Variants in UBAP1L observed in about 807,000 individuals in gnomAD.
The protein encoded by UBAP1L is ubiquitin associated protein 1 like, also known as ubiquitin-associated protein 1-like.
In UBAP1L, 32 loss-of-function variants were observed where a neutral mutation model predicts 32.1. The ratio of observed to expected loss-of-function variants is 1.00; its 90% confidence interval spans 0.75 to 1.34. UBAP1L has a LOEUF of 1.34. Among genes scored for constraint, UBAP1L ranks in the 40% most tolerant of loss-of-function variants. The probability of loss-of-function intolerance (pLI) is 0.00; values close to 1 mark genes in which losing one functional copy is unlikely to be tolerated. For missense variants in UBAP1L, 516 were observed against 540.5 expected (o/e 0.95, Z 0.45); for synonymous variants, 243 against 250.2 (o/e 0.97, Z 0.27).
chr15:65,099,741 CAGTT>C, intron 3 of UBAP1L, 27 bp from the exon 4 acceptor site: 2 of 1,523,836 alleles, frequency 1.3e-6, no homozygotes, highest in Non-Finnish European at 1.8e-6. Flanking sequence ...CTGGACATGT[CAGTT>C]ACTACAGGAA....
Position 65,106,093 on chromosome 15 carries a change from T to G in UBAP1L, c.120+3A>C, listed in dbSNP as rs1273033280. 2 of 1,551,144 alleles carry G rather than the reference T, an allele frequency of 1.3e-6. No individual in the cohort carries two copies. The highest frequency in any genetic ancestry group is 1.7e-6 in the Non-Finnish European group (2 of 1,146,876). On this transcript the variant is annotated splice_donor_region_variant and intron_variant, in intron 2 of 5. Coordinates refer to ENST00000559089, the MANE Select transcript of UBAP1L (RefSeq NM_001163692.2). ...GAAGACAGAAACACAGAGACACACT[T>G]ACCATAGAACCCAGCAGAACTTCCC...
At chr15:65,100,456 C>T (rs1048494624) in intron 3 of UBAP1L, 1 of 152,260 alleles carries the variant, frequency 6.6e-6, no homozygotes, top group African/African-American at 2.4e-5. Context: ...TCTTCCCAAC[C>T]AGGCCCTCCT....
intron 4 of UBAP1L, chr15:65,099,152 T>G: frequency 1.6e-4 from 39 of 246,044 alleles, no homozygotes; most frequent in Admixed American, 2.5e-4. Flanking sequence ...TGGTAGACTC[T>G]GTGATGTTCC....
intron 1 of UBAP1L, among the ~76,000 whole-genome samples, chr15:65,109,390 G>A (rs928824482): frequency 6.7e-6 from 1 of 148,836 alleles, no homozygotes; most frequent in Non-Finnish European, 1.5e-5. Flanking sequence ...GGCTGAGGCA[G>A]GAGAATGGCA....
At chr15:65,104,113 A>G (rs1364040647) in intron 2 of UBAP1L, among the ~76,000 whole-genome samples, 1 of 152,088 alleles carries the variant, frequency 6.6e-6, no homozygotes, top group Non-Finnish European at 1.5e-5. Flanking sequence ...TTAACTGGGC[A>G]TGGTGGCACA....
At chr15:65,110,302 T>C (rs1294024395) in intron 1 of UBAP1L, among the ~76,000 whole-genome samples, 1 of 151,668 alleles carries the variant, frequency 6.6e-6, no homozygotes, top group East Asian at 1.9e-4. Context: ...GAGATTGCAG[T>C]GAGCTGAAAT....
rs763878087 is a variant in UBAP1L, at chr15:65,094,497, A to ATC, written c.987_988dup (p.Met330ArgfsTer65). The ATC allele has an allele frequency of 2.6e-6, 4 of 1,551,186 alleles. No homozygotes were observed. The South Asian group carries it at 4.8e-5, about 18-fold the overall frequency. ...GACCTGGCTCTCGGAGAACTGGAAC[A>ATC]TCTCCATGGCCTCATCCACCAGGCC... On this transcript the variant is annotated frameshift_variant, in exon 5 of 6. Transcript: ENST00000559089. LOFTEE classifies it high-confidence loss of function. The surrounding 1 kb of genome is among the most constrained non-coding windows in gnomAD (Gnocchi z 4.2).
At chr15:65,105,881 C>T (rs2087303516) in intron 2 of UBAP1L, 1 of 712,914 alleles carries the variant, frequency 1.4e-6, no homozygotes, top group Non-Finnish European at 2.4e-6. Flanking sequence ...ACCTCCACCT[C>T]CTGGATTCAA....
intron 1 of UBAP1L, among the ~76,000 whole-genome samples, chr15:65,112,623 T>A (rs573850799): frequency 6.6e-6 from 1 of 152,174 alleles, no homozygotes; most frequent in East Asian, 1.9e-4. Context: ...AATGACTTTA[T>A]TCTTGCCCAG....
chr15:65,098,293 C>T (rs2087200859), intron 4 of UBAP1L: 1 of 152,340 alleles, frequency 6.6e-6, no homozygotes, highest in Non-Finnish European at 1.5e-5. Flanking sequence ...TTCCTTCCCA[C>T]CTCCACTCCT....
chr15:65,099,413 G>C, intron 4 of UBAP1L, 92 bp downstream of exon 4: 2 of 1,334,376 alleles, frequency 1.5e-6, no homozygotes, highest in Non-Finnish European at 2.1e-6. Context: ...TGCTGTTGTT[G>C]GGCCTATGTC....
Position 65,094,625 on chromosome 15 carries a change from G to C in UBAP1L, c.910-49C>G. The C allele has an allele frequency of 7.1e-7, 1 of 1,417,344 alleles. No homozygotes were observed. Among genetic ancestry groups the C allele is most frequent in the Non-Finnish European group, 9.7e-7 (1 of 1,027,550 alleles). The allele number at this position is 1,417,344 out of a possible 1,614,324, so 87.8% of individuals were successfully genotyped here. On this transcript the variant is annotated intron_variant, in intron 4 of 5. Transcript: ENST00000559089. This position sits in a 1 kb window ranked among gnomAD's most constrained non-coding sequence, Gnocchi z 4.2. ...GGAGGGAGGGTAAGAGGAGCAGCCG[G>C]GGCAGCAGACAGGGCAGAGAGGCAC...
chr15:65,093,261 G>A (rs1478071075), intron 5 of UBAP1L, 30 bp from the exon 6 acceptor site: 2 of 1,521,106 alleles, frequency 1.3e-6, no homozygotes, highest in Admixed American at 4.4e-5. Context: ...GAGGGTGCTG[G>A]GGGCTCTGCT....
At chr15:65,099,399 C>T in intron 4 of UBAP1L, 106 bp downstream of exon 4, 1 of 1,215,372 alleles carries the variant, frequency 8.2e-7, no homozygotes, top group Non-Finnish European at 1.1e-6. Context: ...GTGGGGTTGG[C>T]TGATGCTGTT....
At position 65,094,738 on chromosome 15, in the gene UBAP1L, G is replaced by C. The variant is rs2087155573; in HGVS notation, c.910-162C>G. 2 of 637,228 alleles carry C rather than the reference G, an allele frequency of 3.1e-6. No homozygotes were observed. Among genetic ancestry groups the C allele is most frequent in the Non-Finnish European group, 5.6e-6 (2 of 354,588 alleles). 39.5% of individuals were successfully genotyped at this position (637,228 alleles called of 1,614,324 possible). On this transcript the variant is annotated intron_variant, in intron 4 of 5. Coordinates refer to ENST00000559089, the MANE Select transcript of UBAP1L (RefSeq NM_001163692.2). This position sits in a 1 kb window ranked among gnomAD's most constrained non-coding sequence, Gnocchi z 4.2. ...AGAGCCCGTGAACCCACAGAAGGGG[G>C]ATAGAGGCTTTCTCTGAGTGCCTGG...
intron 4 of UBAP1L, chr15:65,097,048 G>C (rs2087182465): frequency 6.6e-6 from 1 of 152,162 alleles, no homozygotes; most frequent in Non-Finnish European, 1.5e-5. Context: ...GTCATCCAAA[G>C]GCCCCTCAGA....
chr15:65,093,658 A>G (rs1432963736), intron 5 of UBAP1L, among the ~76,000 whole-genome samples: 4 of 150,980 alleles, frequency 2.6e-5, no homozygotes, highest in Non-Finnish European at 5.9e-5. Flanking sequence ...AAACTTCCCC[A>G]CCTCTGCTCA....
chr15:65,102,409 G>A lies in UBAP1L; in HGVS notation c.396C>T (p.Ser132=), dbSNP rs1394861791. The A allele has an allele frequency of 3.5e-6, 5 of 1,428,852 alleles. No homozygotes were observed. The highest frequency in any genetic ancestry group is 4.6e-6 in the Non-Finnish European group (5 of 1,096,836). The allele number at this position is 1,428,852 out of a possible 1,614,324, so 88.5% of individuals were successfully genotyped here. A position where few individuals can be genotyped will look rare whatever the true frequency, so the allele number is the denominator to read the frequency against. ...GACGGCCGGGGCCGGGGCTCGCCGG[G>A]GAGCCCGGTTGGAGGCTGCTGGGGG... ...EPAPSSLQPG[S]PASPGPGRRL... Residue 132 remains serine (S), a synonymous_variant, in exon 3 of 6, where the codon TCC becomes TCT. Transcript: ENST00000559089. This position sits in a 1 kb window ranked among gnomAD's most constrained non-coding sequence, Gnocchi z 5.0.
At chr15:65,105,767 G>C (rs2087301717) in intron 2 of UBAP1L, 1 of 698,206 alleles carries the variant, frequency 1.4e-6, no homozygotes, top group Non-Finnish European at 2.7e-6. Context: ...AGTGGGGCTG[G>C]ATAGAAGGTC....
Sources: gnomAD v4.1 joint callset for allele counts (sites outside exome capture counted in the v4.1 genomes callset) on GRCh38, gnomAD v4.1.1 for gene constraint, Gnocchi (gnomAD v3.1) non-coding constraint, MANE v1.5 for transcripts, NCBI Gene and HGNC (gene_info 2026-07-23, HGNC 2026-07-21) for gene names.